FAM50B: variants seen among roughly 807,000 people sequenced by gnomAD.
FAM50B encodes the protein family with sequence similarity 50 member B.
A neutral mutation model predicts 25.4 loss-of-function variants in FAM50B; 9 were observed. The observed-to-expected ratio is 0.35, with a 90% CI of 0.21 to 0.62. The LOEUF (loss-of-function observed/expected upper bound fraction) is 0.62, where lower values mean the gene tolerates loss of function less well. FAM50B is among the 20% of genes least tolerant of loss of function. FAM50B has a pLI of 0.73. For missense variants in FAM50B, 372 were observed against 477.9 expected, an observed-to-expected ratio of 0.78 and a Z score of 2.07; for synonymous variants, 212 against 204.3, an observed-to-expected ratio of 1.04 and a Z score of -0.32.
Position 3,850,341 on chromosome 6 carries a change from G to A in FAM50B, c.530G>A (p.Arg177His), listed in dbSNP as rs1162562135. 1 of 1,613,194 alleles carries A rather than the reference G, an allele frequency of 6.2e-7. No homozygotes were observed. The highest frequency in any genetic ancestry group is 8.5e-7 in the Non-Finnish European group (1 of 1,179,856). Residue 177 changes from arginine to histidine, a missense_variant, in exon 2 of 2, where the codon CGC (arginine) becomes CAC (histidine). By Grantham distance (29) the Arg-to-His change is conservative (BLOSUM62 0). Transcript: ENST00000648326. ...CTGCGCCAAGAGTGGGAGGCGCAGC[G>A]CGAGAAAGTGAAGGACGAGGAGATG... ...EELRQEWEAQ[R>H]EKVKDEEMEV...
rs750428859 is a variant in FAM50B, at chr6:3,850,319, C to T, written c.508C>T (p.Arg170Cys). The T allele has an allele frequency of 9.3e-6, 15 of 1,613,296 alleles. No homozygotes were observed. In the East Asian group the frequency reaches 3.1e-4, roughly 34 times the overall value. Residue 170 changes from arginine (R) to cysteine (C), a missense_variant, in exon 2 of 2, where the codon CGC (arginine) becomes TGC (cysteine). This residue lies in a region of FAM50B where 224 missense variants were observed against 232.2 expected (regional missense o/e 0.96). Coordinates refer to ENST00000648326, the MANE Select transcript of FAM50B (RefSeq NM_012135.3). ...EEENRLREEL[R>C]QEWEAQREKV... is the part of the protein sequence containing the mutation. ...GGAGAACCGGCTCCGAGAGGAGCTG[C>T]GCCAAGAGTGGGAGGCGCAGCGCGA...
At chr6:3,845,954 C>T (rs1762115746), upstream of FAM50B, among the ~76,000 whole-genome samples, 1 of 152,026 alleles carries the variant, frequency 6.6e-6, no homozygotes, top group Admixed American at 6.6e-5. Context: ...ATCTCTTGAC[C>T]TCGTGATCCA....
the FAM50B span, among the ~76,000 whole-genome samples, chr6:3,840,403 G>A: frequency 6.6e-6 from 1 of 152,010 alleles, no homozygotes. Flanking sequence ...AACCTGAGAG[G>A]CGGAGGTTGC....
chr6:3,836,128 C>A, the FAM50B span, among the ~76,000 whole-genome samples: 32 of 152,278 alleles, frequency 2.1e-4, no homozygotes, highest in South Asian at 6.7e-3. Flanking sequence ...CCAGACCCTG[C>A]AGCAGAAAAA....
chr6:3,836,548 T>C, the FAM50B span, among the ~76,000 whole-genome samples: 1 of 152,174 alleles, frequency 6.6e-6, no homozygotes, highest in Non-Finnish European at 1.5e-5. Flanking sequence ...CCTAGAACAA[T>C]TATAGATAAT....
chr6:3,834,970 TA>T, the FAM50B span, among the ~76,000 whole-genome samples: 1 of 152,106 alleles, frequency 6.6e-6, no homozygotes, highest in Non-Finnish European at 1.5e-5. Context: ...CTGTTTTATG[TA>T]AAGCTTTCAC....
At chr6:3,834,359 C>CAAAAAAAAAAAAAAAAAAGAA in the FAM50B span, among the ~76,000 whole-genome samples, 8 of 75,026 alleles carry the variant, frequency 1.1e-4, no homozygotes, top group Non-Finnish European at 1.8e-4. Flanking sequence ...TGATATATGG[C>CAAAAAAAAAAAAAAAAAAGAA]AAAAAAAAAA....
chr6:3,837,786 CTT>C, the FAM50B span, among the ~76,000 whole-genome samples: 46,647 of 151,906 alleles, frequency 0.31, 7,375 homozygotes, highest in Non-Finnish European at 0.34. Flanking sequence ...GCTGAACTGG[CTT>C]TTATAACAGA....
chr6:3,833,140 A>G, the FAM50B span, among the ~76,000 whole-genome samples: 5 of 152,182 alleles, frequency 3.3e-5, no homozygotes, highest in Non-Finnish European at 7.3e-5. Context: ...GATTACAGGC[A>G]TGAACCACTG....
chr6:3,849,657 C>G (rs1762173949), intron 1 of FAM50B, 132 bp from the exon 2 acceptor site: 2 of 1,337,172 alleles, frequency 1.5e-6, no homozygotes, highest in East Asian at 5.1e-5. Flanking sequence ...TTGGTGGTTA[C>G]CCTAGCAGGT....
At chr6:3,837,390 C>A in the FAM50B span, among the ~76,000 whole-genome samples, 1 of 151,998 alleles carries the variant, frequency 6.6e-6, no homozygotes, top group Non-Finnish European at 1.5e-5. Flanking sequence ...AAACAAACAA[C>A]CCAATTAAAA....
the FAM50B span, among the ~76,000 whole-genome samples, chr6:3,838,853 AAAAAAAAC>A: frequency 6.6e-6 from 1 of 150,914 alleles, no homozygotes; most frequent in African/African-American, 2.4e-5. Context: ...AAAAAAAAAA[AAAAAAAAC>A]ACACACACAA....
chr6:3,833,581 G>T, the FAM50B span: 1 of 152,008 alleles, frequency 6.6e-6, no homozygotes, highest in Admixed American at 6.6e-5. Flanking sequence ...CCAGCTTTAG[G>T]GTAGGCCCTA....
chr6:3,832,858 A>T, the FAM50B span, among the ~76,000 whole-genome samples: 1 of 146,970 alleles, frequency 6.8e-6, no homozygotes, highest in African/African-American at 2.5e-5. Flanking sequence ...GACCTTTTTA[A>T]TTTTTTTTTT....
At chr6:3,836,311 C>T in the FAM50B span, among the ~76,000 whole-genome samples, 1 of 152,152 alleles carries the variant, frequency 6.6e-6, no homozygotes. Flanking sequence ...TACTGAAGAC[C>T]CTCTAGCAAT....
At chr6:3,842,337 G>A in the FAM50B span, among the ~76,000 whole-genome samples, 5 of 152,162 alleles carry the variant, frequency 3.3e-5, no homozygotes, top group Admixed American at 3.3e-4. Flanking sequence ...GAAGGGTCCT[G>A]GAAAAACTGG....
upstream of FAM50B, among the ~76,000 whole-genome samples, chr6:3,848,682 T>C (rs1762152843): frequency 6.6e-6 from 1 of 152,144 alleles, no homozygotes; most frequent in Non-Finnish European, 1.5e-5. Flanking sequence ...AAACATGAAC[T>C]GGTCTGCCCT....
the FAM50B span, among the ~76,000 whole-genome samples, chr6:3,836,108 G>A: frequency 6.6e-6 from 1 of 152,138 alleles, no homozygotes; most frequent in Admixed American, 6.6e-5. Flanking sequence ...TTCTGAGCAT[G>A]TACATCATGC....
chr6:3,850,140 GGCGCGA>G lies in FAM50B; in HGVS notation c.334_339del (p.Glu112_Arg113del). 2.5e-6 allele frequency: 4 copies of G among 1,610,892 alleles called. No homozygotes were observed. The highest frequency in any genetic ancestry group is 3.4e-6 in the Non-Finnish European group (4 of 1,179,186). On this transcript the variant is annotated inframe_deletion, in exon 2 of 2. Coordinates refer to ENST00000648326, the MANE Select transcript of FAM50B (RefSeq NM_012135.3). ...GAGCGGCAGCGGGAGCAGGAGCAGC[GGCGCGA>G]GCGCAAGCGTAAGATCTCCTGCCTG...
Sources: gnomAD v4.1 joint callset for allele counts (sites outside exome capture counted in the v4.1 genomes callset) on GRCh38, gnomAD v4.1.1 for gene constraint, gnomAD v4.1.1 regional missense constraint, MANE v1.5 for transcripts, NCBI Gene and HGNC (gene_info 2026-07-23, HGNC 2026-07-21) for gene names.